CDH6: variants seen among roughly 807,000 people sequenced by gnomAD.
CDH6 encodes cadherin 6.
CDH6 carries 31 observed loss-of-function variants against 78.0 expected under a neutral mutation model. The ratio of observed to expected loss-of-function variants is 0.40; its 90% CI spans 0.30 to 0.54. The LOEUF (loss-of-function observed/expected upper bound fraction) is 0.54, where lower values mean the gene tolerates loss of function less well. CDH6 is among the 20% of genes least tolerant of loss of function. CDH6 has a pLI of 0.56. For missense variants in CDH6, 724 were observed against 975.9 expected (o/e 0.74, Z 3.44); for synonymous variants, 376 against 368.8 (o/e 1.02, Z -0.23).
chr5:31,236,154 C>CA (rs146041160), intron 1 of CDH6, among the ~76,000 whole-genome samples: 10 of 152,248 alleles, frequency 6.6e-5, no homozygotes, highest in Admixed American at 1.3e-4. Flanking sequence ...AGCAGTTCTA[C>CA]ACTGTGGCAA....
intron 2 of CDH6, among the ~76,000 whole-genome samples, chr5:31,277,217 G>A (rs2149938416): frequency 6.6e-6 from 1 of 152,252 alleles, no homozygotes; most frequent in East Asian, 1.9e-4. Flanking sequence ...CTGGCAACTG[G>A]TAGATTCCCC....
intron 1 of CDH6, among the ~76,000 whole-genome samples, chr5:31,197,167 T>A (rs1229848307): frequency 6.6e-6 from 1 of 152,200 alleles, no homozygotes; most frequent in Non-Finnish European, 1.5e-5. Flanking sequence ...CTGTTTCATT[T>A]CTTTCCTTGA....
At chr5:31,279,939 TCCACTTG>T (rs1742808217) in intron 2 of CDH6, among the ~76,000 whole-genome samples, 1 of 152,176 alleles carries the variant, frequency 6.6e-6, no homozygotes, top group African/African-American at 2.4e-5. Flanking sequence ...TGATTACCAA[TCCACTTG>T]CCTCTTAAAG....
chr5:31,213,121 CT>C (rs1392307085), intron 1 of CDH6, among the ~76,000 whole-genome samples: 2 of 152,172 alleles, frequency 1.3e-5, no homozygotes, highest in Admixed American at 1.3e-4. Flanking sequence ...TGAATGCGTA[CT>C]CTTCAAATCT....
At chr5:31,223,015 CCT>C (rs1175150119) in intron 1 of CDH6, among the ~76,000 whole-genome samples, 2 of 151,862 alleles carry the variant, frequency 1.3e-5, no homozygotes, top group Non-Finnish European at 2.9e-5. Flanking sequence ...TCTCACTTTT[CCT>C]CTCTCTTACT....
intron 1 of CDH6, among the ~76,000 whole-genome samples, chr5:31,238,526 T>G (rs986023898): frequency 2.2e-4 from 34 of 152,218 alleles, no homozygotes; most frequent in African/African-American, 7.5e-4. Flanking sequence ...TCTTCTTTTG[T>G]TTTCACTATC....
intron 3 of CDH6, among the ~76,000 whole-genome samples, chr5:31,295,004 T>C (rs1737545788): frequency 6.6e-6 from 1 of 152,220 alleles, no homozygotes; most frequent in Admixed American, 6.5e-5. Context: ...TAAAGGATTA[T>C]TTTTATTTTC....
intron 2 of CDH6, among the ~76,000 whole-genome samples, chr5:31,280,600 C>T (rs932794458): frequency 2.0e-5 from 3 of 152,150 alleles, no homozygotes; most frequent in African/African-American, 4.8e-5. Flanking sequence ...ATTTCAGATA[C>T]GGTGGGCAAA....
At chr5:31,198,751 G>C (rs1740239595) in intron 1 of CDH6, among the ~76,000 whole-genome samples, 1 of 151,840 alleles carries the variant, frequency 6.6e-6, no homozygotes, top group Admixed American at 6.6e-5. Context: ...TTTTACATAG[G>C]GTGCATTTTC....
At chr5:31,267,901 A>G (rs1201454778) in intron 2 of CDH6, among the ~76,000 whole-genome samples, 200 bp downstream of exon 2, 1 of 152,186 alleles carries the variant, frequency 6.6e-6, no homozygotes, top group Non-Finnish European at 1.5e-5. Context: ...CCTGCAACAA[A>G]GAGAGAGAAA....
At chr5:31,283,056 A>C (rs907303115) in intron 2 of CDH6, among the ~76,000 whole-genome samples, 2 of 152,164 alleles carry the variant, frequency 1.3e-5, no homozygotes, top group African/African-American at 4.8e-5. Flanking sequence ...GACAGATTTA[A>C]GTTTGATCAA....
chr5:31,233,078 TACAC>T (rs750188272), intron 1 of CDH6, among the ~76,000 whole-genome samples: 1 of 152,014 alleles, frequency 6.6e-6, no homozygotes, highest in East Asian at 1.9e-4. Flanking sequence ...AATATACAAA[TACAC>T]ACACACGCGT....
chr5:31,226,871 A>T (rs1741167274), intron 1 of CDH6, among the ~76,000 whole-genome samples: 1 of 152,206 alleles, frequency 6.6e-6, no homozygotes, highest in Non-Finnish European at 1.5e-5. Flanking sequence ...ATGCAATCAA[A>T]TCACTCTGTG....
At chr5:31,233,060 A>G (rs1741356752) in intron 1 of CDH6, among the ~76,000 whole-genome samples, 1 of 152,166 alleles carries the variant, frequency 6.6e-6, no homozygotes, top group Non-Finnish European at 1.5e-5. Context: ...CCATGCAATG[A>G]ACAACTGAAT....
At chr5:31,243,582 A>G (rs940942165) in intron 1 of CDH6, among the ~76,000 whole-genome samples, 4 of 152,166 alleles carry the variant, frequency 2.6e-5, no homozygotes, top group Non-Finnish European at 4.4e-5. Context: ...TGTCCTTCCA[A>G]TGTGATGGCT....
Position 31,297,286 on chromosome 5 carries a change from C to A in CDH6, c.524-3C>A, listed in dbSNP as rs745779926. 9.3e-6 allele frequency: 15 copies of A among 1,609,946 alleles called. No individual in the cohort carries two copies. Among genetic ancestry groups the A allele is most frequent in the Non-Finnish European group, 1.3e-5 (15 of 1,176,662 alleles). ...TTTTCAGTTTATATTTCTGTCATTA[C>A]AGGTACATTTGTTGTCCAAGTCACT... is the stretch of plus-strand genomic sequence containing the variant. On this transcript the variant is annotated splice_region_variant and splice_polypyrimidine_tract_variant and intron_variant, in intron 3 of 11. Transcript: ENST00000265071.
At chr5:31,234,172 T>A (rs1741391130) in intron 1 of CDH6, among the ~76,000 whole-genome samples, 1 of 152,230 alleles carries the variant, frequency 6.6e-6, no homozygotes. Context: ...AAAGGTTTTT[T>A]TTATTCTTTA....
intron 2 of CDH6, among the ~76,000 whole-genome samples, chr5:31,280,913 A>G (rs1013287554): frequency 1.4e-4 from 22 of 151,982 alleles, no homozygotes; most frequent in Non-Finnish European, 2.8e-4. Context: ...GCAAAAAAAA[A>G]AAAAACTAAT....
At chr5:31,230,961 A>G (rs1488488357) in intron 1 of CDH6, among the ~76,000 whole-genome samples, 2 of 152,254 alleles carry the variant, frequency 1.3e-5, no homozygotes, top group East Asian at 3.8e-4. Context: ...AAACCTACAC[A>G]TATAAAAATA....
Sources: allele counts gnomAD v4.1 joint callset (sites outside exome capture counted in the v4.1 genomes callset), GRCh38; gene constraint gnomAD v4.1.1; transcripts MANE v1.5; gene names NCBI Gene and HGNC (gene_info 2026-07-23, HGNC 2026-07-21).